Variants in PIWIL1 observed in about 807,000 individuals in gnomAD.
PIWIL1 encodes the protein piwi like RNA-mediated gene silencing 1.
PIWIL1 carries 73 observed loss-of-function variants against 114.4 expected under a neutral mutation model. The observed-to-expected ratio is 0.64, with a 90% CI of 0.53 to 0.78. PIWIL1 has a LOEUF of 0.78. Among genes scored for constraint, PIWIL1 ranks in the 30% least tolerant of loss-of-function variants. The probability of loss-of-function intolerance (pLI) is 0.00; values close to 1 mark genes in which losing one functional copy is unlikely to be tolerated. For synonymous variants in PIWIL1, 375 were observed against 369.0 expected, an observed-to-expected ratio of 1.02 and a Z score of -0.19; for missense variants, 723 against 1,063.1, an observed-to-expected ratio of 0.68 and a Z score of 4.45.
chr12:130,422,480 A>G, the PIWIL1 span: 1 of 1,612,428 alleles, frequency 6.2e-7, no homozygotes, highest in South Asian at 1.1e-5. This position sits in a 1 kb window ranked among gnomAD's most constrained non-coding sequence, Gnocchi z 5.2. Flanking sequence ...ACGGGCCGGG[A>G]CCTCTGAGGA....
intron 7 of PIWIL1, 127 bp downstream of exon 7, chr12:130,348,310 A>G (rs1335711345): frequency 1.7e-6 from 1 of 582,030 alleles, no homozygotes; most frequent in Admixed American, 3.4e-5. Flanking sequence ...TTATGTGACT[A>G]TTTAACTTGA....
At chr12:130,391,580 G>A in the PIWIL1 span, among the ~76,000 whole-genome samples, 33 of 152,292 alleles carry the variant, frequency 2.2e-4, no homozygotes, top group African/African-American at 6.5e-4. Context: ...TTACTTACAT[G>A]TGTCTTCTTC....
chr12:130,341,294 T>C (rs907428899), intron 1 of PIWIL1, among the ~76,000 whole-genome samples: 1 of 152,224 alleles, frequency 6.6e-6, no homozygotes, highest in African/African-American at 2.4e-5. Context: ...ATGTGTGGGT[T>C]GTTACCGTTT....
chr12:130,422,378 G>T, the PIWIL1 span: 1 of 1,013,882 alleles, frequency 9.9e-7, no homozygotes, highest in Non-Finnish European at 1.5e-6. The surrounding 1 kb of genome is among the most constrained non-coding windows in gnomAD (Gnocchi z 5.2). Context: ...CTAAAGTTTT[G>T]TTCATGCTTA....
chr12:130,399,009 CTT>C, the PIWIL1 span: 6,218 of 406,428 alleles, frequency 0.015, no homozygotes, highest in Non-Finnish European at 0.018. Context: ...TTCTTTGTAT[CTT>C]TTTTTTTTTT....
the PIWIL1 span, chr12:130,424,185 G>T: frequency 8.1e-7 from 1 of 1,232,146 alleles, no homozygotes; most frequent in African/African-American, 1.5e-5. This position sits in a 1 kb window ranked among gnomAD's most constrained non-coding sequence, Gnocchi z 9.8. Context: ...TGCGTGGGGG[G>T]CAGCTGCCCT....
chr12:130,373,896 G>A (rs190184701), downstream of PIWIL1, among the ~76,000 whole-genome samples: 3 of 152,264 alleles, frequency 2.0e-5, no homozygotes, highest in East Asian at 1.9e-4. Flanking sequence ...CAAAGACTCC[G>A]TGAAATCCCA....
the PIWIL1 span, chr12:130,407,640 A>C: frequency 9.7e-7 from 1 of 1,033,660 alleles, no homozygotes; most frequent in Non-Finnish European, 1.5e-6. Flanking sequence ...TGAGGAGGTG[A>C]ACACACGTGG....
At chr12:130,416,614 A>T in the PIWIL1 span, among the ~76,000 whole-genome samples, 1 of 152,240 alleles carries the variant, frequency 6.6e-6, no homozygotes, top group Non-Finnish European at 1.5e-5. Context: ...CTCAAATTAC[A>T]CAAATACTGC....
At chr12:130,355,439 T>G in intron 11 of PIWIL1, 114 bp from the exon 12 acceptor site, 1 of 802,570 alleles carries the variant, frequency 1.2e-6, no homozygotes, top group South Asian at 1.5e-5. Flanking sequence ...CACCAGCGCC[T>G]TCACCCTGAC....
Position 130,371,666 on chromosome 12 carries a change from ACT to A in PIWIL1, c.*69_*70del. 1 of 1,009,440 alleles carries A rather than the reference ACT, an allele frequency of 9.9e-7. No individual in the cohort carries two copies. Among genetic ancestry groups the A allele is most frequent in the Non-Finnish European group, 1.5e-6 (1 of 667,616 alleles). The allele number at this position is 1,009,440 out of a possible 1,614,324, so 62.5% of individuals were successfully genotyped here. A position where few individuals can be genotyped will look rare whatever the true frequency, so the allele number is the denominator to read the frequency against. On this transcript the variant is annotated 3_prime_UTR_variant, in exon 21 of 21. Coordinates refer to ENST00000245255, the MANE Select transcript of PIWIL1 (RefSeq NM_004764.5). ...TTGGGATTTTTTTAAGCTTTTATTT[ACT>A]TTTTTTTTAACTGTTATCTTTCTGG...
the PIWIL1 span, among the ~76,000 whole-genome samples, chr12:130,392,488 G>A: frequency 5.0e-4 from 3 of 5,978 alleles, no homozygotes; most frequent in Admixed American, 9.9e-4. Context: ...CCCGGTCACC[G>A]TCATCACGTG....
intron 16 of PIWIL1, among the ~76,000 whole-genome samples, chr12:130,361,957 T>C (rs2073521522): frequency 6.6e-6 from 1 of 152,220 alleles, no homozygotes; most frequent in Non-Finnish European, 1.5e-5. Flanking sequence ...TATTTCAACA[T>C]AATAGCATTA....
chr12:130,341,211 C>T (rs1268736950), intron 1 of PIWIL1, among the ~76,000 whole-genome samples: 1 of 152,192 alleles, frequency 6.6e-6, no homozygotes, highest in African/African-American at 2.4e-5. Flanking sequence ...ACATGAAATC[C>T]TCCACTCCCC....
chr12:130,408,144 C>A, the PIWIL1 span, among the ~76,000 whole-genome samples: 1 of 152,226 alleles, frequency 6.6e-6, no homozygotes, highest in African/African-American at 2.4e-5. Flanking sequence ...CAAATTTAGA[C>A]GGCTTTGGCC....
chr12:130,401,335 C>T, the PIWIL1 span, among the ~76,000 whole-genome samples: 2 of 152,142 alleles, frequency 1.3e-5, no homozygotes, highest in African/African-American at 2.4e-5. Context: ...AAGCTGGTCT[C>T]GAACTCCTGA....
chr12:130,375,496 G>T (rs903232177), downstream of PIWIL1, among the ~76,000 whole-genome samples: 1 of 152,118 alleles, frequency 6.6e-6, no homozygotes, highest in Non-Finnish European at 1.5e-5. Flanking sequence ...CCTGAACCGC[G>T]TTTGCTCTGC....
chr12:130,388,148 C>T, the PIWIL1 span, among the ~76,000 whole-genome samples: 1 of 152,200 alleles, frequency 6.6e-6, no homozygotes, highest in African/African-American at 2.4e-5. Flanking sequence ...GAGTCTCGCT[C>T]TGTCACCCAG....
chr12:130,338,905 C>A (rs1355763198), intron 1 of PIWIL1, among the ~76,000 whole-genome samples: 1 of 142,672 alleles, frequency 7.0e-6, no homozygotes, highest in Non-Finnish European at 1.5e-5. Context: ...GGTGCAGGGG[C>A]CGGGGTGAGA....
Sources: allele counts gnomAD v4.1 joint callset (sites outside exome capture counted in the v4.1 genomes callset), GRCh38; gene constraint gnomAD v4.1.1; non-coding constraint Gnocchi (gnomAD v3.1); transcripts MANE v1.5; gene names NCBI Gene and HGNC (gene_info 2026-07-23, HGNC 2026-07-21).